The following LRRK1 variants were observed in gnomAD, a reference collection of about 807,000 sequenced individuals.
LRRK1 encodes leucine-rich repeat serine/threonine-protein kinase 1.
Under a neutral mutation model 209.1 loss-of-function variants are expected in LRRK1, and 113 were observed. That is an observed-to-expected ratio of 0.54 (90% CI 0.46 to 0.63). The LOEUF is 0.63. Among genes scored for constraint, LRRK1 ranks in the 30% least tolerant of loss-of-function variants. The pLI is 0.00. For synonymous variants in LRRK1, 1,144 were observed against 1,099.7 expected (o/e 1.04, Z -0.80); for missense variants, 2,284 against 2,632.2 (o/e 0.87, Z 2.89).
rs764953988 is a variant in LRRK1, at chr15:101,065,829, G to A, written c.5392G>A (p.Ala1798Thr). 2 of 1,614,052 alleles carry A rather than the reference G, an allele frequency of 1.2e-6. No homozygotes were observed. Among genetic ancestry groups the A allele is most frequent in the South Asian group, 2.2e-5 (2 of 91,082 alleles). Residue 1798 changes from alanine to threonine, a missense_variant, in exon 32 of 34, where the codon GCA becomes ACA. Physicochemically the swap from Ala to Thr is moderately conservative, Grantham distance 58. Coordinates refer to ENST00000388948, the MANE Select transcript of LRRK1 (RefSeq NM_024652.6). Reference protein sequence around the residue: ...PVRPLDTEPPAASHTANPKVP... With the variant: ...PVRPLDTEPPTASHTANPKVP... ...GCGGCCCTTGGACACGGAACCCCCG[G>A]CAGCCAGCCACACGGCCAACCCAAA...
chr15:101,006,064 G>A (rs565702342), intron 6 of LRRK1, among the ~76,000 whole-genome samples: 17 of 152,232 alleles, frequency 1.1e-4, no homozygotes, highest in Admixed American at 3.9e-4. Context: ...TGTACTAATC[G>A]CAAAGGGTAT....
Position 101,065,609 on chromosome 15 carries a change from C to G in LRRK1, c.5172C>G (p.Cys1724Trp). ...LVIDCASLEI[C>W]RRLEPYMAPS... ...TCGACTGTGCCTCCCTGGAGATCTG[C>G]AGGCGGCTGGAGCCCTACATGGCCC... is the stretch of plus-strand genomic sequence containing the variant. Residue 1724 changes from cysteine (C) to tryptophan (W), a missense_variant, in exon 32 of 34, where the codon TGC becomes TGG. Coordinates refer to ENST00000388948, the MANE Select transcript of LRRK1 (RefSeq NM_024652.6). The G allele has an allele frequency of 1.2e-6, 2 of 1,614,234 alleles. No homozygotes were observed. Among genetic ancestry groups the G allele is most frequent in the Non-Finnish European group, 1.7e-6 (2 of 1,180,034 alleles).
rs368413148 is a variant in LRRK1 at position 101,015,392 on chromosome 15, G to A, written c.1599G>A (p.Gly533=). 8.3e-4 allele frequency: 1,344 copies of A among 1,612,982 alleles called. No individual in the cohort carries two copies. The highest frequency in any genetic ancestry group is 1.0e-3 in the Non-Finnish European group (1,217 of 1,179,440). The part of the protein sequence containing the change: ...FFTTRGRQRS[G]TEAASVLEFP... ...CCACCAGAGGTCGCCAGCGCTCCGG[G>A]ACTGAGGCAGGTGTGTGTGGGTTGG... is the stretch of plus-strand genomic sequence containing the variant. Residue 533 remains glycine, a synonymous_variant, in exon 12 of 34, where the codon GGG becomes GGA. Transcript: ENST00000388948.
intron 2 of LRRK1, among the ~76,000 whole-genome samples, chr15:100,965,533 C>T (rs1567204609): frequency 6.6e-6 from 1 of 152,208 alleles, no homozygotes; most frequent in Non-Finnish European, 1.5e-5. Flanking sequence ...TGTTCACTTA[C>T]AAGCTCAGAG....
At chr15:100,981,888 G>A (rs1004175052) in intron 3 of LRRK1, among the ~76,000 whole-genome samples, 3 of 152,198 alleles carry the variant, frequency 2.0e-5, no homozygotes, top group Non-Finnish European at 4.4e-5. Context: ...AAACACACTT[G>A]TGTTATAAAC....
At chr15:101,046,969 G>C in intron 21 of LRRK1, among the ~76,000 whole-genome samples, 1 of 152,306 alleles carries the variant, frequency 6.6e-6, no homozygotes, top group East Asian at 1.9e-4. Flanking sequence ...ACCTGGGAAC[G>C]TGTGAGGAAC....
intron 6 of LRRK1, among the ~76,000 whole-genome samples, chr15:100,994,033 G>C (rs749867064): frequency 6.6e-6 from 1 of 152,144 alleles, no homozygotes; most frequent in African/African-American, 2.4e-5. Context: ...GCTATTAGCC[G>C]CACATCACCA....
chr15:101,067,823 A>AC (rs1380566510), intron 33 of LRRK1, among the ~76,000 whole-genome samples: 1 of 152,118 alleles, frequency 6.6e-6, no homozygotes, highest in Non-Finnish European at 1.5e-5. Context: ...GGTGTGCAGC[A>AC]CCCAGGTTAG....
At position 101,070,141 on chromosome 15, in the gene LRRK1, T is replaced by A. The variant is rs892186339; in HGVS notation, c.*1293T>A. 2.0e-5 allele frequency: 3 copies of A among 152,190 alleles called. No homozygotes were observed. The highest frequency in any genetic ancestry group is 4.4e-5 in the Non-Finnish European group (3 of 68,038). 9.4% of individuals were successfully genotyped at this position (152,190 alleles called of 1,614,324 possible). On this transcript the variant is annotated 3_prime_UTR_variant, in exon 34 of 34. Coordinates refer to ENST00000388948, the MANE Select transcript of LRRK1 (RefSeq NM_024652.6). ...GTGGCCTCTGTCTTTTGAGCGCTTA[T>A]GACCACAGCACGGGCTCAGTCCCTC...
At chr15:100,967,908 A>G (rs1454314867) in intron 2 of LRRK1, among the ~76,000 whole-genome samples, 2 of 152,202 alleles carry the variant, frequency 1.3e-5, no homozygotes, top group African/African-American at 4.8e-5. Context: ...TAGGTAAAAT[A>G]TATATAAAGT....
At chr15:100,941,406 GTGTCTC>G (rs746400748) in intron 2 of LRRK1, among the ~76,000 whole-genome samples, 353 of 12,608 alleles carry the variant, frequency 0.028, 18 homozygotes, top group African/African-American at 0.072. Context: ...GTGTCTGTGT[GTGTCTC>G]TGTGTGTGTG....
intron 32 of LRRK1, 57 bp from the exon 33 acceptor site, chr15:101,066,582 TC>T: frequency 1.3e-6 from 2 of 1,524,282 alleles, no homozygotes; most frequent in Admixed American, 3.4e-5. Context: ...CCGGCTTCAC[TC>T]CCCGGAGAGC....
intron 7 of LRRK1, among the ~76,000 whole-genome samples, chr15:101,010,184 A>G (rs1375167136): frequency 1.3e-5 from 2 of 152,210 alleles, no homozygotes; most frequent in Non-Finnish European, 1.5e-5. Flanking sequence ...TCATTTTGCT[A>G]TTACATGCCT....
intron 2 of LRRK1, among the ~76,000 whole-genome samples, chr15:100,934,318 A>G (rs989643775): frequency 2.0e-5 from 3 of 152,152 alleles, no homozygotes; most frequent in African/African-American, 7.2e-5. Context: ...TGACCTCTGC[A>G]TTCTCTACAT....
At chr15:101,030,212 G>T (rs1448883147) in intron 20 of LRRK1, among the ~76,000 whole-genome samples, 3 of 151,988 alleles carry the variant, frequency 2.0e-5, no homozygotes, top group Non-Finnish European at 4.4e-5. Context: ...GTGCCCCCAG[G>T]TACCTCTCCT....
In LRRK1 at chr15:100,919,711, C is replaced by T. The variant is rs2041985091; in HGVS notation, c.-123+260C>T. Among the ~76,000 whole-genome samples the T allele has an allele frequency of 2.0e-5, 3 of 152,060 alleles. 1 individual carries two copies. In the South Asian group the frequency reaches 6.2e-4, roughly 31 times the overall value. Reference sequence around the variant, plus strand: ...CCGCCGCGCCCGGAGCCCAGCCAGCCTGTGGGAGGGGAGCGCGCGGGGCCC... The same window carrying T: ...CCGCCGCGCCCGGAGCCCAGCCAGCTTGTGGGAGGGGAGCGCGCGGGGCCC... On this transcript the variant is annotated intron_variant, in intron 1 of 33. Coordinates refer to ENST00000388948, the MANE Select transcript of LRRK1 (RefSeq NM_024652.6). This position sits in a 1 kb window ranked among gnomAD's most constrained non-coding sequence, Gnocchi z 5.8.
rs1596296762 is a variant in LRRK1, at chr15:101,029,008, C to T, written c.2739C>T (p.Ser913=). 3.1e-6 allele frequency: 5 copies of T among 1,614,068 alleles called. No homozygotes were observed. The highest frequency in any genetic ancestry group is 1.3e-5 in the African/African-American group (1 of 74,922). ...TGTLLHFPDT[S]HGLRNLYFLD... is the part of the protein sequence containing the mutation. ...CCCTGCTCCATTTCCCGGACACCAG[C>T]CACGGCCTGAGGAACCTCTACTTCC... Residue 913 remains serine (S), a synonymous_variant, in exon 20 of 34, where the codon AGC becomes AGT. Coordinates refer to ENST00000388948, the MANE Select transcript of LRRK1 (RefSeq NM_024652.6).
At chr15:100,959,423 G>A (rs75115376) in intron 2 of LRRK1, among the ~76,000 whole-genome samples, 1 of 152,330 alleles carries the variant, frequency 6.6e-6, no homozygotes, top group Non-Finnish European at 1.5e-5. Flanking sequence ...GAAAGGAGAG[G>A]CAGCCCGCTG....
At position 100,989,464 on chromosome 15, in the gene LRRK1, G is replaced by C. The variant is rs1489858861; in HGVS notation, c.762+66G>C. Reference sequence around the variant, plus strand: ...TGTGCTGCTGTAACAGAATCCTGCAGACTGGGTAATTTATAATAAACAGAA... The same window carrying C: ...TGTGCTGCTGTAACAGAATCCTGCACACTGGGTAATTTATAATAAACAGAA... On this transcript the variant is annotated intron_variant, in intron 6 of 33. Coordinates refer to ENST00000388948, the MANE Select transcript of LRRK1 (RefSeq NM_024652.6). The C allele has an allele frequency of 2.0e-6, 3 of 1,522,966 alleles. No homozygotes were observed. The Admixed American group carries it at 5.2e-5, about 26-fold the overall frequency. The allele number at this position is 1,522,966 out of a possible 1,614,324, so 94.3% of individuals were successfully genotyped here.
Sources: gnomAD v4.1 joint callset for allele counts (sites outside exome capture counted in the v4.1 genomes callset) on GRCh38, gnomAD v4.1.1 for gene constraint, Gnocchi (gnomAD v3.1) non-coding constraint, MANE v1.5 for transcripts, NCBI Gene and HGNC (gene_info 2026-07-23, HGNC 2026-07-21) for gene names.